NUDT16: variants seen among roughly 807,000 people sequenced by gnomAD.
The protein encoded by NUDT16 is nudix hydrolase 16.
In NUDT16, 12 loss-of-function variants were observed where a neutral mutation model predicts 11.7. The ratio of observed to expected loss-of-function variants is 1.03; its 90% CI spans 0.66 to 1.67. NUDT16 has a LOEUF of 1.67. Ranked by LOEUF, NUDT16 falls within the 40% of genes most tolerant of loss-of-function variation. The probability of loss-of-function intolerance (pLI) is 0.00; values close to 1 mark genes in which losing one functional copy is unlikely to be tolerated. For synonymous variants in NUDT16, 129 were observed against 122.6 expected (o/e 1.05, Z -0.35); for missense variants, 303 against 268.9 (o/e 1.13, Z -0.89).
chr3:131,382,213 A>G lies in NUDT16; in HGVS notation c.306A>G (p.Ser102=). Residue 102 remains serine (S), a synonymous_variant, in exon 2 of 3, where the codon TCA becomes TCG. Transcript: ENST00000521288. ...RTDYRSSHVG[S]GPRVVAHFYA... ...ACTACCGCAGCTCCCACGTCGGGTCAGGGCCACGCGTTGTGGCCCACTTCT... is the reference window on the plus strand; with the variant it reads ...ACTACCGCAGCTCCCACGTCGGGTCGGGGCCACGCGTTGTGGCCCACTTCT... 6.2e-7 allele frequency: 1 copy of G among 1,610,450 alleles called. No individual in the cohort carries two copies. The highest frequency in any genetic ancestry group is 8.5e-7 in the Non-Finnish European group (1 of 1,178,304).
Position 131,383,720 on chromosome 3 carries a change from G to A in NUDT16, c.*379G>A, listed in dbSNP as rs960640450. On this transcript the variant is annotated 3_prime_UTR_variant, in exon 3 of 3. Coordinates refer to ENST00000521288, the MANE Select transcript of NUDT16 (RefSeq NM_152395.3). This position sits in a 1 kb window ranked among gnomAD's most constrained non-coding sequence, Gnocchi z 4.4. ...TGTCACACTACCCTGGTCCCTGATT[G>A]CAAGGAGCTTCTGAAGCAAGGGTGA... 9 of 455,102 alleles carry A rather than the reference G, an allele frequency of 2.0e-5. No homozygotes were observed. In the Admixed American group the frequency reaches 2.6e-4, roughly 13 times the overall value. The allele number at this position is 455,102 out of a possible 1,614,324, so 28.2% of individuals were successfully genotyped here.
In NUDT16 at chr3:131,382,296, C is replaced by T; in HGVS notation, c.389C>T (p.Ala130Val). 6.2e-7 allele frequency: 1 copy of T among 1,612,968 alleles called. No homozygotes were observed. Among genetic ancestry groups the T allele is most frequent in the Non-Finnish European group, 8.5e-7 (1 of 1,179,992 alleles). ...LLAVEAGATRAKDHGLEVLGL... is the reference protein window; with the variant it reads ...LLAVEAGATRVKDHGLEVLGL... ...GCTGTGGAGGCCGGCGCAACACGCG[C>T]CAAGGACCACGGGCTGGAGGTGGGA... Residue 130 changes from alanine (A) to valine (V), a missense_variant, in exon 2 of 3, where the codon GCC (alanine) becomes GTC (valine). Ala to Val is a moderately conservative substitution (Grantham distance 64, BLOSUM62 0). Transcript: ENST00000521288.
chr3:131,382,801 G>GC, intron 2 of NUDT16: 1 of 1,037,470 alleles, frequency 9.6e-7, no homozygotes, highest in South Asian at 2.1e-5. Flanking sequence ...TGGTGGTGGG[G>GC]CGGGGGGAGA....
rs1370203266 is a variant in NUDT16, at chr3:131,388,563, A to G, written c.*5222A>G. ...TTGACGTTTAAGTGCAAAAGCATGG[A>G]TATTACTCATGCAGTTTTACTGGAA... On this transcript the variant is annotated 3_prime_UTR_variant, in exon 3 of 3. Coordinates refer to ENST00000521288, the MANE Select transcript of NUDT16 (RefSeq NM_152395.3). 1 of 152,226 alleles carries G rather than the reference A, an allele frequency of 6.6e-6. No individual in the cohort carries two copies. 9.4% of individuals were successfully genotyped at this position (152,226 alleles called of 1,614,324 possible). A position where few individuals can be genotyped will look rare whatever the true frequency, so the allele number is the denominator to read the frequency against.
chr3:131,382,880 AT>A (rs1170425050), intron 2 of NUDT16: 7 of 624,908 alleles, frequency 1.1e-5, no homozygotes, highest in African/African-American at 9.2e-5. Context: ...TGAGGACCAC[AT>A]TTTGACAACC....
chr3:131,381,706 T>G, upstream of NUDT16: 1 of 1,311,324 alleles, frequency 7.6e-7, no homozygotes, highest in Non-Finnish European at 1.0e-6. Context: ...CCTGCAGGGA[T>G]TGGGCCTTGC....
At position 131,381,920 on chromosome 3, in the gene NUDT16, TC is replaced by T; in HGVS notation, c.119del (p.Pro40ArgfsTer7). On this transcript the variant is annotated frameshift_variant, in exon 1 of 3. Transcript: ENST00000521288. LOFTEE classifies it high-confidence loss of function. ...APDPGMLFGR[I>X]PLRYAILMQM... ...GACCCTGGGATGCTCTTCGGCCGCA[TC>T]CCGCTGCGCTACGCCATACTGGTGA... is the stretch of plus-strand genomic sequence containing the variant. 7 of 1,611,892 alleles carry T rather than the reference TC, an allele frequency of 4.3e-6. No homozygotes were observed. Among genetic ancestry groups the T allele is most frequent in the Non-Finnish European group, 5.9e-6 (7 of 1,179,462 alleles).
In NUDT16 at chr3:131,382,568, T is replaced by C. The variant is rs1346358242; in HGVS notation, c.408+253T>C. 6 of 1,533,988 alleles carry C rather than the reference T, an allele frequency of 3.9e-6. No homozygotes were observed. The South Asian group carries it at 7.1e-5, about 18-fold the overall frequency. On this transcript the variant is annotated intron_variant, in intron 2 of 2. Coordinates refer to ENST00000521288, the MANE Select transcript of NUDT16 (RefSeq NM_152395.3). The stretch of plus-strand genomic sequence containing the variant: ...TAGAACACACTCATCCATGTCTCTC[T>C]GCTGTTCCCTATTGACAGTGTGATA...
At position 131,381,786 on chromosome 3, in the gene NUDT16, A is replaced by G. The variant is rs1032207694; in HGVS notation, c.-19A>G. ...CTGCCCATTGGGCCTTCGGGACAGC[A>G]GAGGAGCAGTGTCCGGCCATGGCCG... On this transcript the variant is annotated 5_prime_UTR_variant, in exon 1 of 3. Coordinates refer to ENST00000521288, the MANE Select transcript of NUDT16 (RefSeq NM_152395.3). 5.8e-6 allele frequency: 9 copies of G among 1,539,902 alleles called. No homozygotes were observed. The African/African-American group carries it at 8.2e-5, about 14-fold the overall frequency.
At position 131,387,051 on chromosome 3, in the gene NUDT16, C is replaced by T. The variant is rs2097460346; in HGVS notation, c.*3710C>T. 2 of 152,202 alleles carry T rather than the reference C, an allele frequency of 1.3e-5. No individual in the cohort carries two copies. The highest frequency in any genetic ancestry group is 4.8e-5 in the African/African-American group (2 of 41,442). 9.4% of individuals were successfully genotyped at this position (152,202 alleles called of 1,614,324 possible). ...AGTCTGTAAACAAATCATTAGATGG[C>T]ATCAGAATTTGAACCAAAGTAAAAG... On this transcript the variant is annotated 3_prime_UTR_variant, in exon 3 of 3. Coordinates refer to ENST00000521288, the MANE Select transcript of NUDT16 (RefSeq NM_152395.3).
intron 2 of NUDT16, chr3:131,382,891 C>G: frequency 1.6e-6 from 1 of 608,590 alleles, no homozygotes; most frequent in Non-Finnish European, 2.7e-6. Context: ...TTTTGACAAC[C>G]ACTGGTGAAA....
chr3:131,384,023 A>G lies in NUDT16; in HGVS notation c.*682A>G, dbSNP rs1470397734. 6.5e-6 allele frequency: 1 copy of G among 153,348 alleles called. No homozygotes were observed. Among genetic ancestry groups the G allele is most frequent in the Non-Finnish European group, 1.5e-5 (1 of 68,902 alleles). 9.5% of individuals were successfully genotyped at this position (153,348 alleles called of 1,614,324 possible). ...CTGTGAGGACTGGTGTCTCTCCTCT[A>G]GAGCTTTCATCTTTGGGATGCCTGA... On this transcript the variant is annotated 3_prime_UTR_variant, in exon 3 of 3. Coordinates refer to ENST00000521288, the MANE Select transcript of NUDT16 (RefSeq NM_152395.3).
Position 131,383,275 on chromosome 3 carries a change from T to C in NUDT16, c.522T>C (p.Ala174=), listed in dbSNP as rs115223281. 2.1e-3 allele frequency: 3,342 copies of C among 1,614,090 alleles called. 73 individuals are homozygous for C. In the African/African-American group the frequency reaches 0.039, roughly 19 times the overall value. Residue 174 remains alanine, a synonymous_variant, in exon 3 of 3, where the codon GCT becomes GCC. Coordinates refer to ENST00000521288, the MANE Select transcript of NUDT16 (RefSeq NM_152395.3). This position sits in a 1 kb window ranked among gnomAD's most constrained non-coding sequence, Gnocchi z 4.4. ...IGSAREQLLE[A]LQDLGLLQSG... ...CTGCGCGGGAGCAGTTACTTGAAGC[T>C]CTCCAGGACTTGGGACTGCTGCAGT...
At position 131,382,271 on chromosome 3, in the gene NUDT16, G is replaced by A. The variant is rs768023399; in HGVS notation, c.364G>A (p.Ala122Thr). Residue 122 changes from alanine (A) to threonine (T), a missense_variant, in exon 2 of 3, where the codon GCT becomes ACT. Ala to Thr is a moderately conservative substitution (Grantham distance 58). Coordinates refer to ENST00000521288, the MANE Select transcript of NUDT16 (RefSeq NM_152395.3). ...GCGTCTGACGCTCGAGGAGCTGTTG[G>A]CTGTGGAGGCCGGCGCAACACGCGC... ...AKRLTLEELL[A>T]VEAGATRAKD... The A allele has an allele frequency of 6.2e-7, 1 of 1,612,778 alleles. No homozygotes were observed. The highest frequency in any genetic ancestry group is 8.5e-7 in the Non-Finnish European group (1 of 1,179,932).
chr3:131,388,389 A>G lies in NUDT16; in HGVS notation c.*5048A>G, dbSNP rs1199185633. The G allele has an allele frequency of 6.6e-6, 1 of 152,202 alleles. No homozygotes were observed. The highest frequency in any genetic ancestry group is 2.4e-5 in the African/African-American group (1 of 41,450). The allele number at this position is 152,202 out of a possible 1,614,324, so 9.4% of individuals were successfully genotyped here. A position where few individuals can be genotyped will look rare whatever the true frequency, so the allele number is the denominator to read the frequency against. On this transcript the variant is annotated 3_prime_UTR_variant, in exon 3 of 3. Transcript: ENST00000521288. ...ACAAAAACTTCCCTAAACTCAAGAT[A>G]CTACACCAGAAGTGGGCAGTACTCA...
At chr3:131,382,413 C>T (rs761072845) in intron 2 of NUDT16, 98 bp downstream of exon 2, 1 of 1,555,776 alleles carries the variant, frequency 6.4e-7, no homozygotes, top group Admixed American at 1.9e-5. Flanking sequence ...GTCTTTGCCC[C>T]TCTGACCTTG....
Position 131,382,848 on chromosome 3 carries a change from A to T in NUDT16, c.409-314A>T, listed in dbSNP as rs554282835. 14 of 715,080 alleles carry T rather than the reference A, an allele frequency of 2.0e-5. No homozygotes were observed. In the East Asian group the frequency reaches 4.1e-4, roughly 21 times the overall value. The allele number at this position is 715,080 out of a possible 1,614,324, so 44.3% of individuals were successfully genotyped here. A position where few individuals can be genotyped will look rare whatever the true frequency, so the allele number is the denominator to read the frequency against. On this transcript the variant is annotated intron_variant, in intron 2 of 2. Transcript: ENST00000521288. ...AATTTGTAGTTTTCAAAAGTTCCCA[A>T]ATAATGCTGATGCAAATAATCTGAG...
In NUDT16 at chr3:131,381,813, AGCCCGCAG is replaced by A; in HGVS notation, c.12_19del (p.Arg5GlyfsTer87). The A allele has an allele frequency of 6.4e-7, 1 of 1,561,036 alleles. No homozygotes were observed. The highest frequency in any genetic ancestry group is 2.3e-4 in the Middle Eastern group (1 of 4,414). On this transcript the variant is annotated frameshift_variant, in exon 1 of 3. Coordinates refer to ENST00000521288, the MANE Select transcript of NUDT16 (RefSeq NM_152395.3). LOFTEE classifies it high-confidence loss of function. ...AGGAGCAGTGTCCGGCCATGGCCGG[AGCCCGCAG>A]GCTGGAGCTAGGCGAGGCCCTGGCG... is the stretch of plus-strand genomic sequence containing the variant.
At chr3:131,382,974 A>G (rs2097457041) in intron 2 of NUDT16, 188 bp from the exon 3 acceptor site, 2 of 654,454 alleles carry the variant, frequency 3.1e-6, no homozygotes, top group Non-Finnish European at 5.2e-6. Context: ...TAATTGATAG[A>G]GCTAGATAAT....
Sources: gnomAD v4.1 joint callset for allele counts on GRCh38, gnomAD v4.1.1 for gene constraint, Gnocchi (gnomAD v3.1) non-coding constraint, MANE v1.5 for transcripts, NCBI Gene and HGNC (gene_info 2026-07-23, HGNC 2026-07-21) for gene names.